ANKRD36B: variants seen among roughly 807,000 people sequenced by gnomAD.
ANKRD36B encodes ankyrin repeat domain 36B.
ANKRD36B carries 37 observed loss-of-function variants against 135.7 expected under a neutral mutation model. That is an observed-to-expected ratio of 0.27 (90% CI 0.21 to 0.36). The LOEUF is 0.36. Ranked by LOEUF, ANKRD36B falls within the 10% of genes least tolerant of loss-of-function variation. The pLI, the probability that ANKRD36B is intolerant of heterozygous loss-of-function variation, is 1.00. For synonymous variants in ANKRD36B, 179 were observed against 348.1 expected, an observed-to-expected ratio of 0.51 and a Z score of 5.41; for missense variants, 549 against 1,037.1, an observed-to-expected ratio of 0.53 and a Z score of 6.46.
At position 97,578,802 on chromosome 2, in the gene ANKRD36B, C is replaced by T. The variant is rs1175880025; in HGVS notation, c.695+104G>A. On this transcript the variant is annotated intron_variant, in intron 5 of 43. Transcript: ENST00000359901. Reference sequence around the variant, plus strand: ...TTGAAAATTTGTCACTTGAAAACTACTTGAACCAAACTATGCAATCTCACC... The same window carrying T: ...TTGAAAATTTGTCACTTGAAAACTATTTGAACCAAACTATGCAATCTCACC... The T allele has an allele frequency of 4.3e-6, 6 of 1,396,018 alleles. No individual in the cohort carries two copies. The African/African-American group carries it at 7.2e-5, about 17-fold the overall frequency. The allele number at this position is 1,396,018 out of a possible 1,614,324, so 86.5% of individuals were successfully genotyped here. A position where few individuals can be genotyped will look rare whatever the true frequency, so the allele number is the denominator to read the frequency against.
intron 6 of ANKRD36B, among the ~76,000 whole-genome samples, chr2:97,571,780 A>G (rs1003896991): frequency 6.6e-6 from 1 of 152,216 alleles, no homozygotes; most frequent in African/African-American, 2.4e-5. Flanking sequence ...ATTTGTTTCT[A>G]ATCTTTTTTC....
chr2:97,577,676 G>A (rs1196386716), intron 5 of ANKRD36B, among the ~76,000 whole-genome samples: 1 of 148,984 alleles, frequency 6.7e-6, no homozygotes, highest in African/African-American at 2.5e-5. Context: ...GGTTAGCTCT[G>A]TTAAATCTAA....
chr2:97,579,188 G>A (rs1197431214), intron 4 of ANKRD36B, 145 bp from the exon 5 acceptor site: 2 of 1,155,730 alleles, frequency 1.7e-6, no homozygotes, highest in East Asian at 2.6e-5. Context: ...GTGCTCAAGG[G>A]TTTATCTTTG....
intron 14 of ANKRD36B, among the ~76,000 whole-genome samples, chr2:97,553,827 C>T (rs1173402212): frequency 1.3e-5 from 2 of 151,982 alleles, no homozygotes; most frequent in African/African-American, 4.8e-5. Context: ...TGAGAAGGTA[C>T]ACAATTACAG....
rs560808236 is a variant in ANKRD36B, at chr2:97,531,340, G to C, written c.2265+971C>G. On this transcript the variant is annotated intron_variant, in intron 35 of 43. Transcript: ENST00000359901. Reference sequence around the variant, plus strand: ...CAAACACTGCATGCTCTCACTCATAGGTGGGAATTGAACAACGAGAACACG... The same window carrying C: ...CAAACACTGCATGCTCTCACTCATACGTGGGAATTGAACAACGAGAACACG... Among the ~76,000 whole-genome samples the C allele has an allele frequency of 4.0e-5, 3 of 74,766 alleles. 1 individual carries two copies. The highest frequency in any genetic ancestry group is 1.2e-4 in the African/African-American group (3 of 25,022). The allele number at this position is 74,766 out of a possible 152,430, so 49.0% of individuals were successfully genotyped here.
intron 6 of ANKRD36B, among the ~76,000 whole-genome samples, chr2:97,566,159 C>CA (rs56089651): frequency 3.4e-4 from 51 of 148,146 alleles, no homozygotes; most frequent in East Asian, 1.8e-3. Flanking sequence ...AACAAAAATA[C>CA]AAAAAAAAAA....
At chr2:97,582,581 C>T (rs2082698086) in intron 3 of ANKRD36B, among the ~76,000 whole-genome samples, 1 of 152,158 alleles carries the variant, frequency 6.6e-6, no homozygotes, top group Non-Finnish European at 1.5e-5. Context: ...GCTTGGAATC[C>T]AGATCTGTGC....
Position 97,559,724 on chromosome 2 carries a change from A to T in ANKRD36B, c.866-730T>A, listed in dbSNP as rs1232894503. Among the ~76,000 whole-genome samples, 5 of 152,090 alleles carry T rather than the reference A, an allele frequency of 3.3e-5. No homozygotes were observed. The East Asian group carries it at 9.7e-4, about 29-fold the overall frequency. The stretch of plus-strand genomic sequence containing the variant: ...ACTTCTACAAAGTAAAACTGCTACA[A>T]GCATTAGATATTAATAAGTTTTACA... On this transcript the variant is annotated intron_variant, in intron 8 of 43. Coordinates refer to ENST00000359901, the MANE Select transcript of ANKRD36B (RefSeq NM_001393939.1).
At chr2:97,552,104 A>T (rs1330289722) in intron 16 of ANKRD36B, among the ~76,000 whole-genome samples, 2 of 151,932 alleles carry the variant, frequency 1.3e-5, no homozygotes, top group Admixed American at 1.3e-4. Flanking sequence ...TGTATCCACT[A>T]GTTTATCCCT....
At chr2:97,552,975 C>T (rs531893725) in intron 16 of ANKRD36B, among the ~76,000 whole-genome samples, 193 bp downstream of exon 16, 22 of 151,946 alleles carry the variant, frequency 1.4e-4, no homozygotes, top group East Asian at 5.9e-4. Context: ...AATCTTACTG[C>T]GAAGATCACG....
chr2:97,493,976 C>T (rs2104172511), intron 43 of ANKRD36B, among the ~76,000 whole-genome samples: 1 of 104,846 alleles, frequency 9.5e-6, no homozygotes, highest in East Asian at 2.1e-4. Context: ...ACAGCATGGC[C>T]TTCACTGTTC....
chr2:97,562,107 T>A (rs1577017358), intron 6 of ANKRD36B, among the ~76,000 whole-genome samples: 1 of 152,064 alleles, frequency 6.6e-6, no homozygotes, highest in East Asian at 1.9e-4. Context: ...CTTCTCACTG[T>A]CTCTTCGTCC....
intron 12 of ANKRD36B, 90 bp downstream of exon 12, chr2:97,556,847 T>C: frequency 6.6e-7 from 1 of 1,512,990 alleles, no homozygotes; most frequent in Non-Finnish European, 8.9e-7. Context: ...GAAAGTGCAT[T>C]TTCAATGACA....
At chr2:97,574,088 A>C (rs1301849037) in intron 6 of ANKRD36B, among the ~76,000 whole-genome samples, 3 of 152,226 alleles carry the variant, frequency 2.0e-5, no homozygotes, top group East Asian at 3.8e-4. Flanking sequence ...AACTACCATC[A>C]GAGTGAACAG....
In ANKRD36B at chr2:97,513,109, T is replaced by C. The variant is rs1482197635; in HGVS notation, c.2805+71A>G. ...TTGTTCAGGCCTAAATAATATATGT[T>C]AAATGAAAGAGATGGTATAAGTAAT... On this transcript the variant is annotated intron_variant, in intron 38 of 43. Transcript: ENST00000359901. 58 of 1,450,200 alleles carry C rather than the reference T, an allele frequency of 4.0e-5. 3 individuals are homozygous for C. The highest frequency in any genetic ancestry group is 5.1e-5 in the Non-Finnish European group (57 of 1,107,362). 89.8% of individuals were successfully genotyped at this position (1,450,200 alleles called of 1,614,324 possible).
intron 6 of ANKRD36B, among the ~76,000 whole-genome samples, chr2:97,568,409 A>C (rs1312882961): frequency 6.6e-6 from 1 of 152,170 alleles, no homozygotes; most frequent in Non-Finnish European, 1.5e-5. Context: ...GGATCCCTGC[A>C]AAGACTTTTC....
At position 97,549,612 on chromosome 2, in the gene ANKRD36B, A is replaced by T. The variant is rs1212623867; in HGVS notation, c.1378T>A (p.Ser460Thr). Residue 460 changes from serine to threonine, a missense_variant and splice_region_variant, in exon 19 of 44, where the codon TCT becomes ACT. Physicochemically the swap from Ser to Thr is moderately conservative, Grantham distance 58. Coordinates refer to ENST00000359901, the MANE Select transcript of ANKRD36B (RefSeq NM_001393939.1). Reference protein sequence around the residue: ...KKDGEISRTVSSQKPPALKAT... With the variant: ...KKDGEISRTVTSQKPPALKAT... ...TTCAAGGCTGGTGGTTTCTGAGAAG[A>T]CACTGAAAAGCAAAAGGGATTCATA... 7 of 1,608,490 alleles carry T rather than the reference A, an allele frequency of 4.4e-6. No individual in the cohort carries two copies. Among genetic ancestry groups the T allele is most frequent in the Non-Finnish European group, 5.9e-6 (7 of 1,177,904 alleles).
Position 97,537,900 on chromosome 2 carries a change from G to A in ANKRD36B, c.2089+268C>T, listed in dbSNP as rs1380253554. 5.2e-5 allele frequency among the ~76,000 whole-genome samples: 5 copies of A among 95,820 alleles called. 1 individual carries two copies. Among genetic ancestry groups the A allele is most frequent in the African/African-American group, 1.6e-4 (5 of 31,856 alleles). 62.9% of individuals were successfully genotyped at this position (95,820 alleles called of 152,430 possible). A position where few individuals can be genotyped will look rare whatever the true frequency, so the allele number is the denominator to read the frequency against. On this transcript the variant is annotated intron_variant, in intron 32 of 43. Coordinates refer to ENST00000359901, the MANE Select transcript of ANKRD36B (RefSeq NM_001393939.1). Reference sequence around the variant, plus strand: ...ATAAGAGCAAAATTATGCTGTCCCCGGATCCTCTTATCTCTTATGTCTTGA... The same window carrying A: ...ATAAGAGCAAAATTATGCTGTCCCCAGATCCTCTTATCTCTTATGTCTTGA...
chr2:97,581,219 G>A (rs2082611808), intron 3 of ANKRD36B, among the ~76,000 whole-genome samples: 1 of 150,452 alleles, frequency 6.6e-6, no homozygotes, highest in South Asian at 2.1e-4. Flanking sequence ...GAGAGTTTCA[G>A]GGATACAGTT....
Sources: gnomAD v4.1 joint callset for allele counts (sites outside exome capture counted in the v4.1 genomes callset) on GRCh38, gnomAD v4.1.1 for gene constraint, MANE v1.5 for transcripts, NCBI Gene and HGNC (gene_info 2026-07-23, HGNC 2026-07-21) for gene names.